PPP1R17: variants seen among roughly 807,000 people sequenced by gnomAD.
PPP1R17 encodes G-substrate.
In PPP1R17, 12 loss-of-function variants were observed where a neutral mutation model predicts 15.9. The observed-to-expected ratio is 0.75, with a 90% confidence interval of 0.48 to 1.22. The LOEUF is 1.22. Among genes scored for constraint, PPP1R17 ranks in the 50% most tolerant of loss-of-function variants. PPP1R17 has a pLI of 0.00. For missense variants in PPP1R17, 211 were observed against 187.3 expected (o/e 1.13, Z -0.74); for synonymous variants, 63 against 64.5 (o/e 0.98, Z 0.11).
At position 31,708,241 on chromosome 7, in the gene PPP1R17, A is replaced by C. The variant is rs141521074; in HGVS notation, c.*958A>C. 1.3e-5 allele frequency: 2 copies of C among 152,244 alleles called. No individual in the cohort carries two copies. The highest frequency in any genetic ancestry group is 2.9e-5 in the Non-Finnish European group (2 of 68,054). 9.4% of individuals were successfully genotyped at this position (152,244 alleles called of 1,614,324 possible). On this transcript the variant is annotated 3_prime_UTR_variant, in exon 5 of 5. Coordinates refer to ENST00000342032, the MANE Select transcript of PPP1R17 (RefSeq NM_006658.5). ...AATCTGTGGATGCCCAGGGGAAGGC[A>C]TACAGGCCTCATCCACCAGGCAATA...
intron 4 of PPP1R17, among the ~76,000 whole-genome samples, chr7:31,698,783 G>C (rs535462583): frequency 1.3e-5 from 2 of 152,196 alleles, no homozygotes; most frequent in Admixed American, 6.5e-5. Context: ...GATAGAAATT[G>C]CTTCTTTAGA....
In PPP1R17 at chr7:31,694,605, G is replaced by A. The variant is rs116008847; in HGVS notation, c.83-864G>A. On this transcript the variant is annotated intron_variant, in intron 2 of 4. Coordinates refer to ENST00000342032, the MANE Select transcript of PPP1R17 (RefSeq NM_006658.5). ...GCAACTAAGAATAAAATTACAAAAA[G>A]ACTATAATCCTTAATCTCCAGAAAG... Among the ~76,000 whole-genome samples the A allele has an allele frequency of 2.8e-3, 422 of 152,158 alleles. 1 individual carries two copies. Among genetic ancestry groups the A allele is most frequent in the African/African-American group, 9.7e-3 (404 of 41,502 alleles).
At chr7:31,702,616 C>T (rs1792900011) in intron 4 of PPP1R17, among the ~76,000 whole-genome samples, 1 of 152,200 alleles carries the variant, frequency 6.6e-6, no homozygotes, top group African/African-American at 2.4e-5. Flanking sequence ...ACTTTGTCAT[C>T]TCTTTTAGTA....
chr7:31,697,012 C>G lies in PPP1R17; in HGVS notation c.283C>G (p.His95Asp), dbSNP rs746233559. The change falls in exon 4 of 5, where the codon CAT becomes GAT. Residue 95 changes from histidine (H) to aspartate (D), a missense_variant. Physicochemically the swap from His to Asp is moderately conservative, Grantham distance 81 (BLOSUM62 -1). Transcript: ENST00000342032. The part of the protein sequence containing the change: ...LIKRYDVQER[H>D]PKGKMIPVLH... ...TAAAAGATACGATGTTCAAGAGAGA[C>G]ATCCAAAGGGCAAAATGATCCCTGT... The G allele has an allele frequency of 6.2e-7, 1 of 1,614,128 alleles. No individual in the cohort carries two copies. The highest frequency in any genetic ancestry group is 1.7e-5 in the Admixed American group (1 of 60,020).
At chr7:31,701,003 T>C (rs1364727971) in intron 4 of PPP1R17, among the ~76,000 whole-genome samples, 1 of 152,212 alleles carries the variant, frequency 6.6e-6, no homozygotes, top group Non-Finnish European at 1.5e-5. Context: ...GTTGTTTTCA[T>C]GCCTGCTAAT....
At chr7:31,694,387 A>ACACACACACACACACACACACACACAC (rs1792484261) in intron 2 of PPP1R17, among the ~76,000 whole-genome samples, 1 of 141,598 alleles carries the variant, frequency 7.1e-6, no homozygotes, top group Non-Finnish European at 1.5e-5. Flanking sequence ...CTCTCTCTCA[A>ACACACACACACACACACACACACACAC]ACACACACAC....
rs1339566696 is a variant in PPP1R17 at position 31,692,523 on chromosome 7, G to A, written c.82G>A (p.Asp28Asn). 2 of 1,594,012 alleles carry A rather than the reference G, an allele frequency of 1.3e-6. No homozygotes were observed. The highest frequency in any genetic ancestry group is 1.7e-6 in the Non-Finnish European group (2 of 1,161,842). The change falls in exon 2 of 5, where the codon GAT becomes AAT. Residue 28 changes from aspartate (D) to asparagine (N), a missense_variant and splice_region_variant. By Grantham distance (23) the Asp-to-Asn change is conservative. Transcript: ENST00000342032. The part of the protein sequence containing the change: ...DKLDPRCSHL[D>N]DLSDQFIKDC... ...GCTAGACCCTCGTTGCAGCCACTTA[G>A]GTAAACAAATGATCGATTGTGAATG...
intron 2 of PPP1R17, among the ~76,000 whole-genome samples, chr7:31,693,343 A>G (rs1430842155): frequency 1.3e-5 from 2 of 152,226 alleles, no homozygotes; most frequent in South Asian, 4.1e-4. Context: ...AGCAGCATTC[A>G]TTTATTCAAC....
chr7:31,693,753 A>G (rs1792454743), intron 2 of PPP1R17, among the ~76,000 whole-genome samples: 1 of 152,238 alleles, frequency 6.6e-6, no homozygotes, highest in Non-Finnish European at 1.5e-5. Context: ...CATTTTAAGG[A>G]AATTTACCTG....
intron 1 of PPP1R17, among the ~76,000 whole-genome samples, chr7:31,689,662 A>G (rs940641410): frequency 3.9e-5 from 6 of 152,154 alleles, no homozygotes; most frequent in Non-Finnish European, 7.3e-5. Context: ...AGATGGGGTC[A>G]TTATACTAAC....
rs199568442 is a variant in PPP1R17, at chr7:31,696,946, T to A, written c.236-19T>A. On this transcript the variant is annotated intron_variant, in intron 3 of 4. Transcript: ENST00000342032. ...ATGTATTTGATCCTGTTTCTCTCTG[T>A]GTTCCCCTAACCATGCAGGTGTGTT... 5 of 1,612,420 alleles carry A rather than the reference T, an allele frequency of 3.1e-6. No individual in the cohort carries two copies. The Admixed American group carries it at 6.7e-5, about 22-fold the overall frequency.
intron 4 of PPP1R17, among the ~76,000 whole-genome samples, chr7:31,698,694 T>C (rs1792718202): frequency 6.6e-6 from 1 of 152,226 alleles, no homozygotes; most frequent in African/African-American, 2.4e-5. Context: ...TCAATAACCA[T>C]ATAGATTAAT....
intron 4 of PPP1R17, among the ~76,000 whole-genome samples, chr7:31,699,724 G>C (rs1792761043): frequency 6.6e-6 from 1 of 151,584 alleles, no homozygotes; most frequent in Non-Finnish European, 1.5e-5. Context: ...TTTTTCAATA[G>C]CATGTGTTAA....
intron 2 of PPP1R17, among the ~76,000 whole-genome samples, chr7:31,695,115 A>C (rs1465210140): frequency 1.3e-5 from 2 of 151,048 alleles, no homozygotes; most frequent in Admixed American, 1.3e-4. Flanking sequence ...TTGAGCAAAA[A>C]GAATGGAGGC....
At chr7:31,699,173 A>G (rs971333264) in intron 4 of PPP1R17, among the ~76,000 whole-genome samples, 1 of 152,002 alleles carries the variant, frequency 6.6e-6, no homozygotes, top group Non-Finnish European at 1.5e-5. Context: ...CAGAAAGAGG[A>G]AAGGTTCTGA....
chr7:31,691,681 G>A (rs980574829), intron 1 of PPP1R17, among the ~76,000 whole-genome samples: 1 of 150,096 alleles, frequency 6.7e-6, no homozygotes, highest in African/African-American at 2.5e-5. Context: ...TCCCTAGGGA[G>A]AAAATAAAGA....
At chr7:31,700,326 T>C (rs1004557986) in intron 4 of PPP1R17, among the ~76,000 whole-genome samples, 2 of 152,184 alleles carry the variant, frequency 1.3e-5, no homozygotes, top group African/African-American at 4.8e-5. Context: ...ACACCAGCCA[T>C]AACCCTTCCT....
intron 2 of PPP1R17, among the ~76,000 whole-genome samples, chr7:31,693,283 C>T (rs1294697434): frequency 6.6e-6 from 1 of 152,160 alleles, no homozygotes; most frequent in African/African-American, 2.4e-5. Flanking sequence ...AATTGTAGCC[C>T]ATGACAGGTT....
At position 31,692,357 on chromosome 7, in the gene PPP1R17, A is replaced by C; in HGVS notation, c.-36-49A>C. On this transcript the variant is annotated intron_variant, in intron 1 of 4. Coordinates refer to ENST00000342032, the MANE Select transcript of PPP1R17 (RefSeq NM_006658.5). ...TATTTACTTAGCAAATGATTGAATG[A>C]ATGAATAAACAGAGCCATACTTATT... The C allele has an allele frequency of 2.8e-6, 3 of 1,083,536 alleles. No individual in the cohort carries two copies. In the South Asian group the frequency reaches 4.2e-5, roughly 15 times the overall value. The allele number at this position is 1,083,536 out of a possible 1,614,324, so 67.1% of individuals were successfully genotyped here.
Sources: gnomAD v4.1 joint callset for allele counts (sites outside exome capture counted in the v4.1 genomes callset) on GRCh38, gnomAD v4.1.1 for gene constraint, MANE v1.5 for transcripts, NCBI Gene and HGNC (gene_info 2026-07-23, HGNC 2026-07-21) for gene names.